JAKMIP1: variants seen among roughly 807,000 people sequenced by gnomAD.
The protein encoded by JAKMIP1 is janus kinase and microtubule-interacting protein 1.
In JAKMIP1, 33 loss-of-function variants were observed where a neutral mutation model predicts 113.0. The ratio of observed to expected loss-of-function variants is 0.29; its 90% CI spans 0.22 to 0.39. JAKMIP1 has a LOEUF of 0.39. Ranked by LOEUF, JAKMIP1 falls within the 10% of genes least tolerant of loss-of-function variation. The probability of loss-of-function intolerance (pLI) is 1.00; values close to 1 mark genes in which losing one functional copy is unlikely to be tolerated. For synonymous variants in JAKMIP1, 480 were observed against 459.9 expected (o/e 1.04, Z -0.56); for missense variants, 813 against 1,080.5 (o/e 0.75, Z 3.47).
At chr4:6,070,086 C>T (rs531666905) in intron 8 of JAKMIP1, 2 of 398,766 alleles carry the variant, frequency 5.0e-6, no homozygotes, top group South Asian at 1.3e-4. Flanking sequence ...CTCCTGGCAG[C>T]CAGAGAAGTA....
intron 12 of JAKMIP1, 99 bp from the exon 13 acceptor site, chr4:6,054,247 C>T: frequency 3.3e-6 from 4 of 1,199,822 alleles, no homozygotes; most frequent in Non-Finnish European, 4.8e-6. Context: ...AAACAGACGA[C>T]TGGCCACGGA....
In JAKMIP1 at chr4:6,029,769, G is replaced by T. The variant is rs758320228; in HGVS notation, c.2392C>A (p.Leu798Met). ...TTCTGAAACTCCAGTTTGTCCTCCA[G>T]TTCTCGGATTCTCTGAAATACACCA... ...LQQAQQRIRE[L>M]EDKLEFQKRH... The change falls in exon 20 of 21, where the codon CTG becomes ATG. Residue 798 changes from leucine to methionine, a missense_variant. Leu to Met is a conservative substitution (Grantham distance 15). This residue lies in a region of JAKMIP1 where 273 missense variants were observed against 426.6 expected (regional missense o/e 0.64). Transcript: ENST00000409021. The T allele has an allele frequency of 5.6e-6, 9 of 1,603,782 alleles. No individual in the cohort carries two copies. The highest frequency in any genetic ancestry group is 7.7e-6 in the Non-Finnish European group (9 of 1,174,746).
chr4:6,095,240 GAGCGAAGGAAAA>G (rs1711546932), intron 3 of JAKMIP1, among the ~76,000 whole-genome samples: 1 of 136,970 alleles, frequency 7.3e-6, no homozygotes, highest in Non-Finnish European at 1.6e-5. Context: ...GAAAGGAAAG[GAGCGAAGGAAAA>G]AGGGAAGGAA....
chr4:6,136,924 C>T lies in JAKMIP1; in HGVS notation c.-147-23927G>A, dbSNP rs1031620521. On this transcript the variant is annotated intron_variant, in intron 1 of 20. Coordinates refer to ENST00000409021, the MANE Select transcript of JAKMIP1 (RefSeq NM_001099433.2). The surrounding 1 kb of genome is among the most constrained non-coding windows in gnomAD (Gnocchi z 5.9). ...AGTTTGGCAAGCGCATGGGATTCCA[C>T]TGACCATGCCATTGTACAGATGAGG... Among the ~76,000 whole-genome samples the T allele has an allele frequency of 1.3e-5, 2 of 152,210 alleles. No individual in the cohort carries two copies. The highest frequency in any genetic ancestry group is 6.5e-5 in the Admixed American group (1 of 15,290).
intron 16 of JAKMIP1, 72 bp downstream of exon 16, chr4:6,048,785 A>C: frequency 7.8e-7 from 1 of 1,285,962 alleles, no homozygotes; most frequent in Non-Finnish European, 1.1e-6. Context: ...GCAAGACGCC[A>C]ATGTACAGTT....
chr4:6,165,048 G>T (rs769415790), intron 1 of JAKMIP1, among the ~76,000 whole-genome samples: 1 of 152,220 alleles, frequency 6.6e-6, no homozygotes, highest in Non-Finnish European at 1.5e-5. Context: ...TCTACTGTGG[G>T]CAAAATGCTG....
chr4:6,126,727 G>GCA (rs1208901940), intron 1 of JAKMIP1, among the ~76,000 whole-genome samples: 1 of 120,156 alleles, frequency 8.3e-6, no homozygotes, highest in Non-Finnish European at 1.7e-5. Context: ...AGAAACAAAT[G>GCA]CACACACACA....
Position 6,179,221 on chromosome 4 carries a change from G to C in JAKMIP1, c.-148+21032C>G, listed in dbSNP as rs1456604158. Among the ~76,000 whole-genome samples the C allele has an allele frequency of 6.6e-6, 1 of 152,208 alleles. No individual in the cohort carries two copies. The highest frequency in any genetic ancestry group is 1.5e-5 in the Non-Finnish European group (1 of 68,042). On this transcript the variant is annotated intron_variant, in intron 1 of 20. Transcript: ENST00000409021. The surrounding 1 kb of genome is among the most constrained non-coding windows in gnomAD (Gnocchi z 4.5). ...AGCCCTATGTGGCTGGAGAGAGGGTGAGATTCTCATCTCAAAGCCCCAGAT... is the reference window on the plus strand; with the variant it reads ...AGCCCTATGTGGCTGGAGAGAGGGTCAGATTCTCATCTCAAAGCCCCAGAT...
rs142671397 is a variant in JAKMIP1, at chr4:6,049,008, T to A, written c.1963-86A>T. The A allele has an allele frequency of 5.9e-5, 58 of 984,070 alleles. No individual in the cohort carries two copies. Among genetic ancestry groups the A allele is most frequent in the Admixed American group, 1.9e-4 (10 of 51,862 alleles). 61.0% of individuals were successfully genotyped at this position (984,070 alleles called of 1,614,324 possible). A position where few individuals can be genotyped will look rare whatever the true frequency, so the allele number is the denominator to read the frequency against. On this transcript the variant is annotated intron_variant, in intron 15 of 20. Coordinates refer to ENST00000409021, the MANE Select transcript of JAKMIP1 (RefSeq NM_001099433.2). The surrounding 1 kb of genome is among the most constrained non-coding windows in gnomAD (Gnocchi z 7.0). ...TCAGCACCAAGCAAGTTTTTTTTTT[T>A]CGTTGTTGTTGTTTGTTTTATTATG...
intron 1 of JAKMIP1, among the ~76,000 whole-genome samples, chr4:6,166,836 T>A (rs187679222): frequency 4.5e-4 from 68 of 152,226 alleles, no homozygotes; most frequent in African/African-American, 1.6e-3. Context: ...ACCAGCTCTG[T>A]GGTCTTGGGC....
chr4:6,079,276 A>G (rs1386615365), intron 7 of JAKMIP1, among the ~76,000 whole-genome samples: 1 of 152,196 alleles, frequency 6.6e-6, no homozygotes, highest in Non-Finnish European at 1.5e-5. Flanking sequence ...GGATAGATAG[A>G]TGTATGCATA....
rs979653366 is a variant in JAKMIP1 at position 6,167,976 on chromosome 4, C to G, written c.-148+32277G>C. Among the ~76,000 whole-genome samples, 6 of 152,216 alleles carry G rather than the reference C, an allele frequency of 3.9e-5. No homozygotes were observed. Among genetic ancestry groups the G allele is most frequent in the African/African-American group, 1.2e-4 (5 of 41,448 alleles). ...TGCAGACAATGAGGAGTCCGCCCAT[C>G]CTCCACATCACCCGGTGTTCAACAG... is the stretch of plus-strand genomic sequence containing the variant. On this transcript the variant is annotated intron_variant, in intron 1 of 20. Transcript: ENST00000409021. This position sits in a 1 kb window ranked among gnomAD's most constrained non-coding sequence, Gnocchi z 5.3.
rs916288860 is a variant in JAKMIP1, at chr4:6,081,489, C to T, written c.1101+120G>A. ...TCTGTGACTGACACTGTGCCTGGTG[C>T]TTTGTGGGGAGGTGGGCAGCAGGTG... is the stretch of plus-strand genomic sequence containing the variant. On this transcript the variant is annotated intron_variant, in intron 6 of 20. Coordinates refer to ENST00000409021, the MANE Select transcript of JAKMIP1 (RefSeq NM_001099433.2). This position sits in a 1 kb window ranked among gnomAD's most constrained non-coding sequence, Gnocchi z 4.6. 4 of 1,074,218 alleles carry T rather than the reference C, an allele frequency of 3.7e-6. No homozygotes were observed. The African/African-American group carries it at 4.7e-5, about 13-fold the overall frequency. The allele number at this position is 1,074,218 out of a possible 1,614,324, so 66.5% of individuals were successfully genotyped here. A position where few individuals can be genotyped will look rare whatever the true frequency, so the allele number is the denominator to read the frequency against.
At chr4:6,035,002 C>T (rs959011230) in intron 19 of JAKMIP1, among the ~76,000 whole-genome samples, 2 of 152,318 alleles carry the variant, frequency 1.3e-5, no homozygotes. Context: ...GGCCTTCAGG[C>T]TTGAAATACA....
At position 6,106,004 on chromosome 4, in the gene JAKMIP1, G is replaced by T. The variant is rs1420594500; in HGVS notation, c.130-37C>A. 8.7e-7 allele frequency: 1 copy of T among 1,151,176 alleles called. No individual in the cohort carries two copies. The highest frequency in any genetic ancestry group is 1.5e-5 in the South Asian group (1 of 67,902). 71.3% of individuals were successfully genotyped at this position (1,151,176 alleles called of 1,614,324 possible). A position where few individuals can be genotyped will look rare whatever the true frequency, so the allele number is the denominator to read the frequency against. On this transcript the variant is annotated intron_variant, in intron 2 of 20. Transcript: ENST00000409021. This position sits in a 1 kb window ranked among gnomAD's most constrained non-coding sequence, Gnocchi z 5.9. ...GCGGCGAGAGAGCCGGTCAGGGTCA[G>T]GGTCAGGGTCAGGGTCAGGGTCAGG...
chr4:6,180,501 A>G lies in JAKMIP1; in HGVS notation c.-148+19752T>C, dbSNP rs1210199835. On this transcript the variant is annotated intron_variant, in intron 1 of 20. Coordinates refer to ENST00000409021, the MANE Select transcript of JAKMIP1 (RefSeq NM_001099433.2). This position sits in a 1 kb window ranked among gnomAD's most constrained non-coding sequence, Gnocchi z 4.5. ...AGAATTAAGCACCATAACAACACAGACACCCCTCTCCCATCAGATAATTTA... is the reference window on the plus strand; with the variant it reads ...AGAATTAAGCACCATAACAACACAGGCACCCCTCTCCCATCAGATAATTTA... 1.3e-5 allele frequency among the ~76,000 whole-genome samples: 2 copies of G among 152,186 alleles called. No individual in the cohort carries two copies. Among genetic ancestry groups the G allele is most frequent in the Non-Finnish European group, 2.9e-5 (2 of 68,036 alleles).
rs1453295163 is a variant in JAKMIP1 at position 6,040,668 on chromosome 4, G to A, written c.2146C>T (p.Arg716Trp). Residue 716 changes from arginine (R) to tryptophan (W), a missense_variant, in exon 18 of 21, where the codon CGG (arginine) becomes TGG (tryptophan). By Grantham distance (101) the Arg-to-Trp change is moderately radical (BLOSUM62 -3). This residue lies in a region of JAKMIP1 where 273 missense variants were observed against 426.6 expected (regional missense o/e 0.64). Transcript: ENST00000409021. The surrounding 1 kb of genome is among the most constrained non-coding windows in gnomAD (Gnocchi z 5.8). ...KGYLEEELDYRKQALDQAYLK... is the reference protein window; with the variant it reads ...KGYLEEELDYWKQALDQAYLK... ...TAAGCCTGGTCAAGGGCTTGCTTCC[G>A]GTAGTCGAGCTCCTCTTCCAGGTAG... The A allele has an allele frequency of 1.2e-6, 2 of 1,613,568 alleles. No homozygotes were observed. Among genetic ancestry groups the A allele is most frequent in the Non-Finnish European group, 1.7e-6 (2 of 1,179,722 alleles).
chr4:6,080,156 G>A lies in JAKMIP1; in HGVS notation c.1242+16C>T. 6.3e-6 allele frequency: 10 copies of A among 1,587,090 alleles called. No individual in the cohort carries two copies. Among genetic ancestry groups the A allele is most frequent in the Non-Finnish European group, 7.7e-6 (9 of 1,166,166 alleles). On this transcript the variant is annotated intron_variant, in intron 7 of 20. Coordinates refer to ENST00000409021, the MANE Select transcript of JAKMIP1 (RefSeq NM_001099433.2). The surrounding 1 kb of genome is among the most constrained non-coding windows in gnomAD (Gnocchi z 6.0). ...ACCCCTGCCAGGGGCAGCCGCGCCA[G>A]CTGTGCTAGATGTACCAGTGAGAGG...
At position 6,076,669 on chromosome 4, in the gene JAKMIP1, T is replaced by C. The variant is rs1347670301; in HGVS notation, c.1302+2270A>G. Among the ~76,000 whole-genome samples the C allele has an allele frequency of 2.6e-5, 4 of 152,176 alleles. No homozygotes were observed. The East Asian group carries it at 7.7e-4, about 29-fold the overall frequency. Reference sequence around the variant, plus strand: ...ATATATTTTACAGGCTGAGTGTCCTTTATCTGAAATACTTGGAACCAGAAG... The same window carrying C: ...ATATATTTTACAGGCTGAGTGTCCTCTATCTGAAATACTTGGAACCAGAAG... On this transcript the variant is annotated intron_variant, in intron 8 of 20. Transcript: ENST00000409021. This position sits in a 1 kb window ranked among gnomAD's most constrained non-coding sequence, Gnocchi z 4.8.
Sources: allele counts gnomAD v4.1 joint callset (sites outside exome capture counted in the v4.1 genomes callset), GRCh38; gene constraint gnomAD v4.1.1; regional missense constraint gnomAD v4.1.1; non-coding constraint Gnocchi (gnomAD v3.1); transcripts MANE v1.5; gene names NCBI Gene and HGNC (gene_info 2026-07-23, HGNC 2026-07-21).